Variants in MLIP observed in about 807,000 individuals in gnomAD.
MLIP encodes muscular LMNA-interacting protein.
In MLIP, 79 loss-of-function variants were observed where a neutral mutation model predicts 84.8. The observed-to-expected ratio is 0.93, with a 90% CI of 0.78 to 1.12. The LOEUF (loss-of-function observed/expected upper bound fraction) is 1.12, where lower values mean the gene tolerates loss of function less well. MLIP is among the 50% of genes most tolerant of loss of function. MLIP has a pLI of 0.00. For synonymous variants in MLIP, 504 were observed against 463.0 expected, an observed-to-expected ratio of 1.09 and a Z score of -1.14; for missense variants, 1,257 against 1,160.6, an observed-to-expected ratio of 1.08 and a Z score of -1.21.
At chr6:54,105,714 G>T (rs1419994909) in intron 1 of MLIP, among the ~76,000 whole-genome samples, 2 of 152,074 alleles carry the variant, frequency 1.3e-5, no homozygotes, top group African/African-American at 4.8e-5. Flanking sequence ...AGGTGGTAAG[G>T]GATCTTTCAC....
At chr6:54,105,872 T>C (rs532924890) in intron 1 of MLIP, among the ~76,000 whole-genome samples, 41 of 152,092 alleles carry the variant, frequency 2.7e-4, no homozygotes, top group Non-Finnish European at 5.1e-4. Flanking sequence ...GGGAGAGTGG[T>C]AGGTGTAAGA....
At chr6:54,203,570 C>T (rs1307524389) in intron 11 of MLIP, 1 of 152,050 alleles carries the variant, frequency 6.6e-6, no homozygotes, top group Non-Finnish European at 1.5e-5. Flanking sequence ...CTCTAGGCTT[C>T]AGTTTCTTTC....
chr6:54,249,557 A>AT (rs1782313599), intron 12 of MLIP, among the ~76,000 whole-genome samples: 1 of 151,710 alleles, frequency 6.6e-6, no homozygotes, highest in Non-Finnish European at 1.5e-5. Flanking sequence ...TAAAGAAAAA[A>AT]CTCAGAGCAT....
intron 11 of MLIP, chr6:54,216,112 A>G: frequency 1.0e-6 from 1 of 974,012 alleles, no homozygotes; most frequent in Non-Finnish European, 1.2e-6. Flanking sequence ...GTTAAGAATG[A>G]TACTGCAATG....
chr6:54,107,981 G>T (rs1304337040), upstream of MLIP, among the ~76,000 whole-genome samples: 3 of 75,566 alleles, frequency 4.0e-5, no homozygotes, highest in South Asian at 1.4e-3. Flanking sequence ...TCTCAAATTT[G>T]TTTCCCATGT....
intron 11 of MLIP, among the ~76,000 whole-genome samples, chr6:54,207,634 C>CT (rs1261252197): frequency 2.3e-4 from 35 of 152,262 alleles, no homozygotes; most frequent in African/African-American, 7.7e-4. Context: ...TTATTTGCCA[C>CT]TCTATCATAA....
rs116976008 is a variant in MLIP, at chr6:54,229,194, G to A, written c.2719-1520G>A. On this transcript the variant is annotated intron_variant, in intron 11 of 13. Coordinates refer to ENST00000502396, the MANE Select transcript of MLIP (RefSeq NM_001281747.2). ...AAACTTCTAAGAGAATCAAGTGAAC[G>A]ACAATTACAATCAGTACGATAATTC... Among the ~76,000 whole-genome samples, 286 of 152,064 alleles carry A rather than the reference G, an allele frequency of 1.9e-3. 7 individuals are homozygous for A. In the East Asian group the frequency reaches 0.049, roughly 26 times the overall value.
At chr6:54,238,924 C>T (rs889941326) in intron 12 of MLIP, among the ~76,000 whole-genome samples, 1 of 152,124 alleles carries the variant, frequency 6.6e-6, no homozygotes, top group Non-Finnish European at 1.5e-5. Context: ...TAACCATACA[C>T]TATTTTATTT....
At chr6:54,054,242 C>T (rs1269380376) in intron 1 of MLIP, among the ~76,000 whole-genome samples, 1 of 152,066 alleles carries the variant, frequency 6.6e-6, no homozygotes, top group African/African-American at 2.4e-5. Context: ...TTAGTGCTTC[C>T]CGGCAAGCAG....
At chr6:54,242,624 C>A (rs948845594) in intron 12 of MLIP, among the ~76,000 whole-genome samples, 1 of 152,048 alleles carries the variant, frequency 6.6e-6, no homozygotes, top group African/African-American at 2.4e-5. Flanking sequence ...GTAATTCTAA[C>A]CTTCCCCTAC....
rs1766695729 is a variant in MLIP at position 54,074,790 on chromosome 6, A to T, written c.64-46657A>T. Among the ~76,000 whole-genome samples the T allele has an allele frequency of 4.6e-5, 7 of 152,286 alleles. No homozygotes were observed. In the South Asian group the frequency reaches 1.5e-3, roughly 32 times the overall value. ...TTTTGCTGCCTTTAAAATGGGGGAA[A>T]ATATGGAGCCTGCATGTCTGTGAGG... On this transcript the variant is annotated intron_variant, in intron 1 of 12. Coordinates refer to the MLIP transcript ENST00000274897.
intron 11 of MLIP, among the ~76,000 whole-genome samples, chr6:54,224,105 T>C (rs1289261002): frequency 6.6e-6 from 1 of 152,032 alleles, no homozygotes; most frequent in Non-Finnish European, 1.5e-5. Flanking sequence ...AAAAGGACTT[T>C]ATAGCATTAG....
intron 1 of MLIP, among the ~76,000 whole-genome samples, chr6:54,035,639 A>G (rs898111512): frequency 5.9e-5 from 9 of 151,838 alleles, no homozygotes; most frequent in African/African-American, 1.9e-4. Flanking sequence ...TGGTATTATT[A>G]TTTTTTGTTT....
Position 54,124,712 on chromosome 6 carries a change from G to C in MLIP, c.492G>C (p.Gly164=), listed in dbSNP as rs375740489. 6.2e-7 allele frequency: 1 copy of C among 1,614,206 alleles called. No individual in the cohort carries two copies. The highest frequency in any genetic ancestry group is 1.3e-5 in the African/African-American group (1 of 75,064). Residue 164 remains glycine, a synonymous_variant, in exon 3 of 14, where the codon GGG becomes GGC. Coordinates refer to ENST00000502396, the MANE Select transcript of MLIP (RefSeq NM_001281747.2). ...SRKVEQGPPG[G]IGTAAVRPKS... ...AAGTTGAACAAGGCCCCCCAGGGGG[G>C]ATTGGCACCGCAGCTGTCCGGCCCA...
chr6:54,112,666 T>TAA (rs5876361), intron 1 of MLIP, among the ~76,000 whole-genome samples: 7 of 151,506 alleles, frequency 4.6e-5, no homozygotes, highest in Non-Finnish European at 8.8e-5. Flanking sequence ...TCAACTAAAA[T>TAA]AAAAAAAAAT....
intron 1 of MLIP, among the ~76,000 whole-genome samples, chr6:54,053,948 G>A (rs927588788): frequency 6.6e-6 from 1 of 152,152 alleles, no homozygotes; most frequent in African/African-American, 2.4e-5. Context: ...TACTATCTAA[G>A]CCTGTGGTGC....
chr6:54,244,230 A>G (rs6924913), intron 12 of MLIP, among the ~76,000 whole-genome samples: 24,135 of 152,168 alleles, frequency 0.16, 3,120 homozygotes, highest in African/African-American at 0.35. Flanking sequence ...AAACAGCTTT[A>G]CTCTCAATTC....
intron 2 of MLIP, 51 bp downstream of exon 2, chr6:54,121,653 G>A: frequency 7.3e-7 from 1 of 1,370,204 alleles, no homozygotes; most frequent in Non-Finnish European, 9.9e-7. Context: ...ATTAAATTTT[G>A]ATAATGATGA....
rs182005955 is a variant in MLIP, at chr6:54,204,131, A to G, written c.2718+1898A>G. On this transcript the variant is annotated intron_variant, in intron 11 of 13. Coordinates refer to ENST00000502396, the MANE Select transcript of MLIP (RefSeq NM_001281747.2). ...ACACTTTCTGAGAAGGCTATGATTT[A>G]TAAGTCTGATTTTTTTAGAAGGCAT... 5.9e-4 allele frequency among the ~76,000 whole-genome samples: 90 copies of G among 152,320 alleles called. 1 individual carries two copies. The highest frequency in any genetic ancestry group is 2.2e-3 in the Admixed American group (33 of 15,300).
Sources: gnomAD v4.1 joint callset for allele counts (sites outside exome capture counted in the v4.1 genomes callset) on GRCh38, gnomAD v4.1.1 for gene constraint, MANE v1.5 for transcripts, NCBI Gene and HGNC (gene_info 2026-07-23, HGNC 2026-07-21) for gene names.